Variants in CAB39 observed in about 807,000 individuals in gnomAD.
The protein encoded by CAB39 is calcium-binding protein 39.
In CAB39, 8 loss-of-function variants were observed where a neutral mutation model predicts 40.0. That is an observed-to-expected ratio of 0.20 (90% CI 0.12 to 0.36). CAB39 has a LOEUF of 0.36. Ranked by LOEUF, CAB39 falls within the 10% of genes least tolerant of loss-of-function variation. The pLI is 1.00. For missense variants in CAB39, 270 were observed against 401.1 expected, an observed-to-expected ratio of 0.67 and a Z score of 2.79; for synonymous variants, 156 against 141.6, an observed-to-expected ratio of 1.10 and a Z score of -0.72.
intron 3 of CAB39, among the ~76,000 whole-genome samples, chr2:230,792,349 G>C (rs191095746): frequency 1.4e-3 from 211 of 152,288 alleles, no homozygotes; most frequent in African/African-American, 4.8e-3. Context: ...AAAGAAAAGT[G>C]TGCCCTTAAG....
At chr2:230,745,867 CGCCTGCTTCG>C (rs1694964213) in intron 1 of CAB39, among the ~76,000 whole-genome samples, 1 of 152,002 alleles carries the variant, frequency 6.6e-6, no homozygotes, top group South Asian at 2.1e-4. Flanking sequence ...CCTTGTGATC[CGCCTGCTTCG>C]GCCTCCCAAA....
intron 1 of CAB39, among the ~76,000 whole-genome samples, chr2:230,757,261 A>G (rs1406087603): frequency 6.6e-6 from 1 of 151,766 alleles, no homozygotes; most frequent in Non-Finnish European, 1.5e-5. Flanking sequence ...ATGCCCACCT[A>G]ATTTTTAAAT....
At chr2:230,728,528 T>C (rs953839833) in intron 1 of CAB39, among the ~76,000 whole-genome samples, 8 of 152,178 alleles carry the variant, frequency 5.3e-5, no homozygotes, top group African/African-American at 1.9e-4. Flanking sequence ...CTTGAACGCC[T>C]GAGCTCAGAG....
At position 230,818,919 on chromosome 2, in the gene CAB39, T is replaced by C. The variant is rs1425970286; in HGVS notation, c.*215T>C. The C allele has an allele frequency of 8.5e-6, 4 of 470,458 alleles. No homozygotes were observed. Among genetic ancestry groups the C allele is most frequent in the Non-Finnish European group, 1.5e-5 (4 of 258,730 alleles). The allele number at this position is 470,458 out of a possible 1,614,324, so 29.1% of individuals were successfully genotyped here. ...CATGTGGGCTTTCTCTTGATCTTTG[T>C]GTCATTTCAGAATTCAAAGACTGTG... On this transcript the variant is annotated 3_prime_UTR_variant, in exon 9 of 9. Coordinates refer to ENST00000258418, the MANE Select transcript of CAB39 (RefSeq NM_016289.4).
intron 1 of CAB39, among the ~76,000 whole-genome samples, chr2:230,748,841 T>C (rs1196852447): frequency 1.3e-5 from 1 of 74,096 alleles, no homozygotes; most frequent in African/African-American, 8.1e-5. Flanking sequence ...AATATATATA[T>C]ATATATATAT....
chr2:230,715,417 A>C (rs1288858431), intron 1 of CAB39, among the ~76,000 whole-genome samples: 1 of 152,196 alleles, frequency 6.6e-6, no homozygotes, highest in East Asian at 1.9e-4. Flanking sequence ...GAGGTGTGGA[A>C]GAGGAAGAAA....
chr2:230,783,588 C>T (rs1166402648), intron 2 of CAB39, among the ~76,000 whole-genome samples: 2 of 151,456 alleles, frequency 1.3e-5, no homozygotes, highest in African/African-American at 2.4e-5. Context: ...CACCCCCACC[C>T]CCCAGGCTCA....
chr2:230,738,510 G>A (rs757121528), intron 1 of CAB39, among the ~76,000 whole-genome samples: 1 of 152,182 alleles, frequency 6.6e-6, no homozygotes, highest in South Asian at 2.1e-4. Context: ...GGAGTGGAGT[G>A]GAAAGAATAT....
intron 1 of CAB39, among the ~76,000 whole-genome samples, chr2:230,754,448 T>C (rs1189592757): frequency 7.9e-6 from 1 of 126,078 alleles, no homozygotes; most frequent in Non-Finnish European, 1.6e-5. Context: ...CCCCTCCTTC[T>C]TCCCCTTTCC....
intron 2 of CAB39, among the ~76,000 whole-genome samples, chr2:230,766,360 TGA>T (rs1695385521): frequency 6.6e-6 from 1 of 152,068 alleles, no homozygotes; most frequent in Non-Finnish European, 1.5e-5. Context: ...ATGGGAAAAA[TGA>T]GAGTTTATTA....
chr2:230,815,497 C>T (rs1283143512), intron 7 of CAB39, among the ~76,000 whole-genome samples: 1 of 152,192 alleles, frequency 6.6e-6, no homozygotes, highest in East Asian at 1.9e-4. Context: ...TACAGATGCA[C>T]ACAGTTCACT....
intron 5 of CAB39, among the ~76,000 whole-genome samples, chr2:230,806,689 G>C (rs928997896): frequency 6.6e-6 from 1 of 152,182 alleles, no homozygotes; most frequent in Non-Finnish European, 1.5e-5. Flanking sequence ...TGTCAGCTCT[G>C]ATGGTTCCTG....
intron 2 of CAB39, among the ~76,000 whole-genome samples, chr2:230,778,328 A>G (rs1262991990): frequency 6.6e-6 from 1 of 152,192 alleles, no homozygotes; most frequent in African/African-American, 2.4e-5. Flanking sequence ...GCTTGAGTCC[A>G]GAGGAGGAGT....
At chr2:230,809,962 A>T (rs765506992) in intron 5 of CAB39, among the ~76,000 whole-genome samples, 1 of 152,304 alleles carries the variant, frequency 6.6e-6, no homozygotes, top group Middle Eastern at 3.4e-3. Context: ...GGGGAGTGTT[A>T]ACTTTAATTT....
Position 230,727,398 on chromosome 2 carries a change from G to GTGTGTGTGTGTGTGTT in CAB39, c.-44+14169_-44+14170insGTGTGTGTGTGTGTTT, listed in dbSNP as rs760656084. ...TGTGTGTGTGTGTGTGTGTGTGTGT[G>GTGTGTGTGTGTGTGTT]TATTTTTTTTTCTTTTTCTTTTTTT... is the stretch of plus-strand genomic sequence containing the variant. On this transcript the variant is annotated intron_variant, in intron 1 of 8. Transcript: ENST00000258418. Among the ~76,000 whole-genome samples the GTGTGTGTGTGTGTGTT allele has an allele frequency of 3.6e-3, 449 of 124,624 alleles. 4 individuals are homozygous for GTGTGTGTGTGTGTGTT. The highest frequency in any genetic ancestry group is 0.011 in the African/African-American group (390 of 34,216). The allele number at this position is 124,624 out of a possible 152,430, so 81.8% of individuals were successfully genotyped here.
chr2:230,765,344 A>G (rs1250763383), intron 2 of CAB39, among the ~76,000 whole-genome samples: 2 of 152,072 alleles, frequency 1.3e-5, no homozygotes, highest in South Asian at 2.1e-4. Context: ...TGCTTGGTTC[A>G]TGATGGTGTC....
chr2:230,806,768 T>C (rs1011629023), intron 5 of CAB39, among the ~76,000 whole-genome samples: 1 of 152,206 alleles, frequency 6.6e-6, no homozygotes. Flanking sequence ...ACTCCAGAGG[T>C]GAACCACACA....
At chr2:230,748,338 G>T (rs1695012148) in intron 1 of CAB39, among the ~76,000 whole-genome samples, 1 of 152,084 alleles carries the variant, frequency 6.6e-6, no homozygotes, top group Admixed American at 6.5e-5. Flanking sequence ...GATAGATGAT[G>T]CTTTGTACTT....
At chr2:230,772,736 C>T (rs563093066) in intron 2 of CAB39, among the ~76,000 whole-genome samples, 55 of 151,842 alleles carry the variant, frequency 3.6e-4, no homozygotes, top group Admixed American at 1.5e-3. Context: ...CTGCCTGCTT[C>T]GGCCTCCCAA....
Sources: gnomAD v4.1 joint callset for allele counts (sites outside exome capture counted in the v4.1 genomes callset) on GRCh38, gnomAD v4.1.1 for gene constraint, MANE v1.5 for transcripts, NCBI Gene and HGNC (gene_info 2026-07-23, HGNC 2026-07-21) for gene names.